Variants in MIPOL1 observed in about 807,000 individuals in gnomAD.
MIPOL1 encodes the protein mirror-image polydactyly gene 1 protein.
Under a neutral mutation model 60.9 loss-of-function variants are expected in MIPOL1, and 57 were observed. The observed-to-expected ratio is 0.94, with a 90% CI of 0.76 to 1.17. The LOEUF (loss-of-function observed/expected upper bound fraction) is 1.17, where lower values mean the gene tolerates loss of function less well. MIPOL1 is among the 50% of genes most tolerant of loss of function. MIPOL1 has a pLI of 0.00. For missense variants in MIPOL1, 551 were observed against 511.6 expected (o/e 1.08, Z -0.74); for synonymous variants, 179 against 168.8 (o/e 1.06, Z -0.47).
chr14:37,541,105 C>A (rs1181971688), intron 12 of MIPOL1, among the ~76,000 whole-genome samples: 2 of 152,174 alleles, frequency 1.3e-5, no homozygotes, highest in African/African-American at 4.8e-5. Context: ...ATGACCTTTA[C>A]CTTTTCACTT....
At chr14:37,290,549 T>C (rs1000633356) in intron 7 of MIPOL1, among the ~76,000 whole-genome samples, 12 of 152,170 alleles carry the variant, frequency 7.9e-5, no homozygotes, top group African/African-American at 2.2e-4. Context: ...TGTCTGTCTT[T>C]TTTTTGTCAG....
intron 7 of MIPOL1, among the ~76,000 whole-genome samples, chr14:37,290,925 C>T (rs2084999452): frequency 1.3e-5 from 2 of 152,128 alleles, no homozygotes; most frequent in South Asian, 4.1e-4. Flanking sequence ...CATGTGTTCT[C>T]ATAAGTTAGC....
Position 37,354,646 on chromosome 14 carries a change from CT to C in MIPOL1, c.829-14868del, listed in dbSNP as rs1208942259. Among the ~76,000 whole-genome samples, 14 of 58,898 alleles carry C rather than the reference CT, an allele frequency of 2.4e-4. No homozygotes were observed. The East Asian group carries it at 5.9e-3, about 25-fold the overall frequency. 38.6% of individuals were successfully genotyped at this position (58,898 alleles called of 152,430 possible). The stretch of plus-strand genomic sequence containing the variant: ...TTAGCTCTTCTTGTTGAATTGATCC[CT>C]TTACCATTATGTAATGGCCTTTTTT... On this transcript the variant is annotated intron_variant, in intron 9 of 12. Coordinates refer to ENST00000684589, the MANE Select transcript of MIPOL1 (RefSeq NM_001388067.1).
At chr14:37,459,040 G>A (rs8021838) in intron 11 of MIPOL1, among the ~76,000 whole-genome samples, 150,321 of 152,114 alleles carry the variant, frequency 0.99, 74,299 homozygotes, top group Middle Eastern at 1. Flanking sequence ...TTATAGCATT[G>A]AATGTCTACA....
At chr14:37,281,149 T>C (rs549414562) in intron 6 of MIPOL1, among the ~76,000 whole-genome samples, 2 of 152,306 alleles carry the variant, frequency 1.3e-5, no homozygotes, top group Non-Finnish European at 2.9e-5. Context: ...TCCAGTTTTA[T>C]GTTTTAGTCT....
At chr14:37,266,890 A>G (rs756299449) in intron 3 of MIPOL1, 48 bp from the exon 4 acceptor site, 65 of 1,208,464 alleles carry the variant, frequency 5.4e-5, no homozygotes, top group Non-Finnish European at 7.3e-6. Context: ...TTTAATATGC[A>G]GTTATGGTGT....
intron 1 of MIPOL1, among the ~76,000 whole-genome samples, chr14:37,218,279 C>A (rs906681963): frequency 6.6e-6 from 1 of 152,108 alleles, no homozygotes; most frequent in Non-Finnish European, 1.5e-5. Context: ...CTCCCAGATT[C>A]AAGCAATTCT....
chr14:37,216,707 G>A (rs1967777031), intron 1 of MIPOL1, among the ~76,000 whole-genome samples: 1 of 152,020 alleles, frequency 6.6e-6, no homozygotes, highest in Non-Finnish European at 1.5e-5. Flanking sequence ...AAGAAATGAA[G>A]AAGAAAATTG....
chr14:37,460,598 A>C (rs2153581502), intron 11 of MIPOL1, among the ~76,000 whole-genome samples: 1 of 152,338 alleles, frequency 6.6e-6, no homozygotes, highest in South Asian at 2.1e-4. Context: ...ATGATCTTAC[A>C]CCTAGAAAAC....
intron 1 of MIPOL1, among the ~76,000 whole-genome samples, chr14:37,217,767 A>G (rs527830246): frequency 5.3e-5 from 8 of 152,334 alleles, no homozygotes; most frequent in Non-Finnish European, 1.0e-4. Flanking sequence ...GATATGACTG[A>G]CCCACAGTTA....
intron 10 of MIPOL1, among the ~76,000 whole-genome samples, chr14:37,387,551 T>G (rs2093107728): frequency 6.6e-6 from 1 of 151,910 alleles, no homozygotes; most frequent in Non-Finnish European, 1.5e-5. Context: ...TTCCATTGAG[T>G]GTATCAGTTT....
In MIPOL1 at chr14:37,333,976, A is replaced by G. The variant is rs532616275; in HGVS notation, c.828+25457A>G. ...AGGTCACAATAAATTTGAAGATTGA[A>G]TTTATAGGCATATATGTCTGTCTAC... is the stretch of plus-strand genomic sequence containing the variant. On this transcript the variant is annotated intron_variant, in intron 9 of 12. Transcript: ENST00000684589. Among the ~76,000 whole-genome samples the G allele has an allele frequency of 3.5e-4, 15 of 42,934 alleles. 1 individual carries two copies. Among genetic ancestry groups the G allele is most frequent in the South Asian group, 1.6e-3 (1 of 608 alleles). The allele number at this position is 42,934 out of a possible 152,430, so 28.2% of individuals were successfully genotyped here.
chr14:37,294,033 G>A (rs1013916695), intron 7 of MIPOL1, among the ~76,000 whole-genome samples: 3 of 152,202 alleles, frequency 2.0e-5, no homozygotes, highest in African/African-American at 7.2e-5. Context: ...CCTGACCCCC[G>A]AGTAGCCTAA....
intron 3 of MIPOL1, among the ~76,000 whole-genome samples, chr14:37,253,421 A>G (rs1834979433): frequency 6.6e-6 from 1 of 151,802 alleles, no homozygotes; most frequent in South Asian, 2.1e-4. Context: ...CAATGTCTGA[A>G]ACAGGAAATG....
intron 10 of MIPOL1, among the ~76,000 whole-genome samples, chr14:37,407,627 T>C (rs2153535843): frequency 6.6e-6 from 1 of 152,206 alleles, no homozygotes. Flanking sequence ...TTTAAATAGT[T>C]CTTATTTAAA....
At chr14:37,432,611 T>C (rs2094092676) in intron 11 of MIPOL1, among the ~76,000 whole-genome samples, 1 of 150,716 alleles carries the variant, frequency 6.6e-6, no homozygotes. Context: ...AAAAATTTCT[T>C]TTTTTTTTAG....
intron 10 of MIPOL1, among the ~76,000 whole-genome samples, chr14:37,377,481 G>A (rs185323337): frequency 8.5e-5 from 13 of 152,166 alleles, no homozygotes; most frequent in East Asian, 7.8e-4. Context: ...CTGACAGAAC[G>A]TTAAGCAACT....
chr14:37,476,570 T>C (rs1344543037), intron 11 of MIPOL1, among the ~76,000 whole-genome samples: 2 of 152,222 alleles, frequency 1.3e-5, no homozygotes, highest in Non-Finnish European at 2.9e-5. Flanking sequence ...ATATGGTTTT[T>C]ATAGATGTTC....
At chr14:37,512,745 G>A (rs1312789949) in intron 12 of MIPOL1, among the ~76,000 whole-genome samples, 4 of 151,974 alleles carry the variant, frequency 2.6e-5, no homozygotes, top group Non-Finnish European at 5.9e-5. Flanking sequence ...AACAATATAA[G>A]TACTTGTTGA....
Sources: allele counts gnomAD v4.1 joint callset (sites outside exome capture counted in the v4.1 genomes callset), GRCh38; gene constraint gnomAD v4.1.1; transcripts MANE v1.5; gene names NCBI Gene and HGNC (gene_info 2026-07-23, HGNC 2026-07-21).